TBL3: variants seen among roughly 807,000 people sequenced by gnomAD.
TBL3 encodes the protein transducin beta like 3.
A neutral mutation model predicts 102.7 loss-of-function variants in TBL3; 71 were observed. The observed-to-expected ratio is 0.69, with a 90% CI of 0.57 to 0.84. TBL3 has a LOEUF of 0.84. TBL3 is among the 40% of genes least tolerant of loss of function. TBL3 has a pLI of 0.00. For synonymous variants in TBL3, 578 were observed against 477.7 expected (o/e 1.21, Z -2.74); for missense variants, 1,188 against 1,098.5 (o/e 1.08, Z -1.15).
At position 1,980,181 on chromosome 16, in the gene TBL3, G is replaced by A; in HGVS notation, c.*1496G>A. ...CCTCTGGGGTGGGCAGGATCACCCG[G>A]CTGGGAAGGGCAGCCCGTACGAGTG... is the stretch of plus-strand genomic sequence containing the variant. On this transcript the variant is annotated 3_prime_UTR_variant, in exon 22 of 22. Transcript: ENST00000568546. The A allele has an allele frequency of 3.1e-6, 5 of 1,596,426 alleles. No individual in the cohort carries two copies. Among genetic ancestry groups the A allele is most frequent in the Non-Finnish European group, 4.3e-6 (5 of 1,174,596 alleles).
At position 1,978,406 on chromosome 16, in the gene TBL3, C is replaced by A. The variant is rs1233184706; in HGVS notation, c.2228C>A (p.Ala743Asp). 6.2e-7 allele frequency: 1 copy of A among 1,611,238 alleles called. No homozygotes were observed. The highest frequency in any genetic ancestry group is 8.5e-7 in the Non-Finnish European group (1 of 1,178,886). The change falls in exon 21 of 22, where the codon GCC (alanine) becomes GAC (aspartate). Residue 743 changes from alanine (A) to aspartate (D), a missense_variant. Coordinates refer to ENST00000568546, the MANE Select transcript of TBL3 (RefSeq NM_006453.3). ...AVLGVLLRRE[A>D]PEELLAYEGV... The stretch of plus-strand genomic sequence containing the variant: ...CTGGGTGTGCTCTTGAGGCGAGAGG[C>A]CCCCGAGGAGCTGCTGGCCTACGAA...
In TBL3 at chr16:1,978,609, T is replaced by A. The variant is rs1321862879; in HGVS notation, c.2351T>A (p.Leu784Gln). 1 of 1,612,732 alleles carries A rather than the reference T, an allele frequency of 6.2e-7. No individual in the cohort carries two copies. Among genetic ancestry groups the A allele is most frequent in the Non-Finnish European group, 8.5e-7 (1 of 1,179,882 alleles). Residue 784 changes from leucine (L) to glutamine (Q), a missense_variant, in exon 22 of 22, where the codon CTG (leucine) becomes CAG (glutamine). By Grantham distance (113) the Leu-to-Gln change is moderately radical. Coordinates refer to ENST00000568546, the MANE Select transcript of TBL3 (RefSeq NM_006453.3). ...TLQAAAFLDFLWHNMKLPVPA... is the reference protein window; with the variant it reads ...TLQAAAFLDFQWHNMKLPVPA... ...CAGGCCGCCGCTTTCTTGGACTTCCTGTGGCACAACATGAAGCTCCCTGTG... is the reference window on the plus strand; with the variant it reads ...CAGGCCGCCGCTTTCTTGGACTTCCAGTGGCACAACATGAAGCTCCCTGTG...
chr16:1,980,113 C>G lies in TBL3; in HGVS notation c.*1428C>G, dbSNP rs199699421. 6.2e-7 allele frequency: 1 copy of G among 1,608,540 alleles called. No homozygotes were observed. Among genetic ancestry groups the G allele is most frequent in the Admixed American group, 1.7e-5 (1 of 59,476 alleles). On this transcript the variant is annotated 3_prime_UTR_variant, in exon 22 of 22. Coordinates refer to ENST00000568546, the MANE Select transcript of TBL3 (RefSeq NM_006453.3). ...GCAGCGCAGGCTCTGAGCCTCCAGA[C>G]TGTGGATGGAGAGGCGGCCCGCAGC...
Position 1,978,075 on chromosome 16 carries a change from C to A in TBL3, c.2062+14C>A. ...CTGTCATCCAGGGTCAGTGCCCACC[C>A]CGGGGGGCGAGGGGCTGGGTCTTCG... On this transcript the variant is annotated intron_variant, in intron 19 of 21. Transcript: ENST00000568546. 6.2e-7 allele frequency: 1 copy of A among 1,604,510 alleles called. No individual in the cohort carries two copies. The highest frequency in any genetic ancestry group is 8.5e-7 in the Non-Finnish European group (1 of 1,174,762).
chr16:1,978,104 C>T, intron 19 of TBL3, 43 bp downstream of exon 19: 1 of 1,610,394 alleles, frequency 6.2e-7, no homozygotes, highest in Non-Finnish European at 8.5e-7. Context: ...GTCTTCGGAC[C>T]ACTGGGCTCT....
In TBL3 at chr16:1,981,093, A is replaced by G. The variant is rs760010235; in HGVS notation, c.*2408A>G. 2 of 1,611,346 alleles carry G rather than the reference A, an allele frequency of 1.2e-6. No individual in the cohort carries two copies. The highest frequency in any genetic ancestry group is 3.3e-5 in the Admixed American group (2 of 60,000). On this transcript the variant is annotated 3_prime_UTR_variant, in exon 22 of 22. Transcript: ENST00000568546. ...CCCCTTCCTATCCCTTGGGGCCACT[A>G]AGGACCCAGCCAGGTCTTACTTGGA...
chr16:1,978,993 C>T lies in TBL3; in HGVS notation c.*308C>T. 6.9e-7 allele frequency: 1 copy of T among 1,459,230 alleles called. No individual in the cohort carries two copies. Among genetic ancestry groups the T allele is most frequent in the Non-Finnish European group, 9.1e-7 (1 of 1,098,218 alleles). 90.4% of individuals were successfully genotyped at this position (1,459,230 alleles called of 1,614,324 possible). A position where few individuals can be genotyped will look rare whatever the true frequency, so the allele number is the denominator to read the frequency against. The stretch of plus-strand genomic sequence containing the variant: ...CCTGCTGGCCAGGGAGATCCGCCCT[C>T]CCCGCTCCTCCCCAGCCCTGGGATG... On this transcript the variant is annotated 3_prime_UTR_variant, in exon 22 of 22. Coordinates refer to ENST00000568546, the MANE Select transcript of TBL3 (RefSeq NM_006453.3).
rs1182895431 is a variant in TBL3, at chr16:1,980,908, C to T, written c.*2223C>T. The T allele has an allele frequency of 1.3e-6, 2 of 1,593,950 alleles. No individual in the cohort carries two copies. The highest frequency in any genetic ancestry group is 2.2e-5 in the East Asian group (1 of 44,626). On this transcript the variant is annotated 3_prime_UTR_variant, in exon 22 of 22. Transcript: ENST00000568546. ...GGCAGCCGCGTGGGGAAGCCGCCAC[C>T]GCGGCATCAGGGTGGCCCAGGGTCA...
Position 1,972,145 on chromosome 16 carries a change from G to A in TBL3, c.-20G>A. 4.8e-6 allele frequency: 7 copies of A among 1,470,664 alleles called. No individual in the cohort carries two copies. Among genetic ancestry groups the A allele is most frequent in the Non-Finnish European group, 6.3e-6 (7 of 1,109,044 alleles). The allele number at this position is 1,470,664 out of a possible 1,614,324, so 91.1% of individuals were successfully genotyped here. A position where few individuals can be genotyped will look rare whatever the true frequency, so the allele number is the denominator to read the frequency against. On this transcript the variant is annotated 5_prime_UTR_variant, in exon 1 of 22. Transcript: ENST00000568546. Reference sequence around the variant, plus strand: ...GCCGGGACCCTAGCAGGTTTCAGCTGGAGCGGCGGCGGCGGCAACATGGCA... The same window carrying A: ...GCCGGGACCCTAGCAGGTTTCAGCTAGAGCGGCGGCGGCGGCAACATGGCA...
chr16:1,974,850 G>GAGTT lies in TBL3; in HGVS notation c.464+4_464+7dup. On this transcript the variant is annotated splice_donor_region_variant and intron_variant, in intron 6 of 21. Coordinates refer to ENST00000568546, the MANE Select transcript of TBL3 (RefSeq NM_006453.3). ...CGAGGCTCGCCCGGTGTCGTGCAGTGAGTTGGAAGGTGGAGGGGGAGGGCA... is the reference window on the plus strand; with the variant it reads ...CGAGGCTCGCCCGGTGTCGTGCAGTGAGTTAGTTGGAAGGTGGAGGGGGAGGGCA... The GAGTT allele has an allele frequency of 6.2e-7, 1 of 1,613,224 alleles. No individual in the cohort carries two copies. Among genetic ancestry groups the GAGTT allele is most frequent in the Non-Finnish European group, 8.5e-7 (1 of 1,179,974 alleles).
Position 1,979,514 on chromosome 16 carries a change from G to A in TBL3, c.*829G>A, listed in dbSNP as rs200875428. 1 of 1,611,510 alleles carries A rather than the reference G, an allele frequency of 6.2e-7. No individual in the cohort carries two copies. Among genetic ancestry groups the A allele is most frequent in the East Asian group, 2.2e-5 (1 of 44,848 alleles). On this transcript the variant is annotated 3_prime_UTR_variant, in exon 22 of 22. Coordinates refer to ENST00000568546, the MANE Select transcript of TBL3 (RefSeq NM_006453.3). ...ACAGCTCATCTGCGCGGCTGCTCTC[G>A]TAGGCGCGGGAAGCACAGAACTGGG...
In TBL3 at chr16:1,974,236, A is replaced by C. The variant is rs1282754343; in HGVS notation, c.133A>C (p.Thr45Pro). The change falls in exon 3 of 22, where the codon ACC becomes CCC. Residue 45 changes from threonine to proline, a missense_variant. Transcript: ENST00000568546. Reference protein sequence around the residue: ...TGQHLFCVCGTRVNILEVASG... With the variant: ...TGQHLFCVCGPRVNILEVASG... ...CCAGCACCTCTTCTGCGTCTGTGGC[A>C]CCAGAGTCAACATTCTGGAAGTGGC... 6.2e-7 allele frequency: 1 copy of C among 1,603,476 alleles called. No individual in the cohort carries two copies. Among genetic ancestry groups the C allele is most frequent in the Non-Finnish European group, 8.5e-7 (1 of 1,174,134 alleles).
At chr16:1,974,473 G>C in intron 4 of TBL3, 50 bp downstream of exon 4, 1 of 1,589,454 alleles carries the variant, frequency 6.3e-7, no homozygotes, top group South Asian at 1.1e-5. Flanking sequence ...CTCCCTCCCA[G>C]ACTGAGTCCA....
Position 1,977,500 on chromosome 16 carries a change from C to G in TBL3, c.1743-14C>G, listed in dbSNP as rs377458388. On this transcript the variant is annotated splice_polypyrimidine_tract_variant and intron_variant, in intron 16 of 21. Coordinates refer to ENST00000568546, the MANE Select transcript of TBL3 (RefSeq NM_006453.3). ...ACCTGCCTGACGCTGAGCCTCTCCC[C>G]ACCCCAAACCCAGCGGTTCGGATGG... The G allele has an allele frequency of 4.8e-4, 766 of 1,609,286 alleles. 1 individual carries two copies. Among genetic ancestry groups the G allele is most frequent in the Non-Finnish European group, 5.9e-4 (695 of 1,178,342 alleles).
Position 1,981,770 on chromosome 16 carries a change from A to G in TBL3, c.*3085A>G, listed in dbSNP as rs1412014408. 1 of 155,602 alleles carries G rather than the reference A, an allele frequency of 6.4e-6. No individual in the cohort carries two copies. Among genetic ancestry groups the G allele is most frequent in the Non-Finnish European group, 1.4e-5 (1 of 70,106 alleles). 9.6% of individuals were successfully genotyped at this position (155,602 alleles called of 1,614,324 possible). On this transcript the variant is annotated 3_prime_UTR_variant, in exon 22 of 22. Transcript: ENST00000568546. Reference sequence around the variant, plus strand: ...ATGTCCCCAACTCATAGAGGAGGAAATGTGTGTTAAATGCGTAATTATTGT... The same window carrying G: ...ATGTCCCCAACTCATAGAGGAGGAAGTGTGTGTTAAATGCGTAATTATTGT...
intron 6 of TBL3, 40 bp downstream of exon 6, chr16:1,974,887 C>A: frequency 6.2e-7 from 1 of 1,612,760 alleles, no homozygotes; most frequent in South Asian, 1.1e-5. Flanking sequence ...AGGCACCACC[C>A]AGGCTGCACA....
Position 1,978,239 on chromosome 16 carries a change from T to C in TBL3, c.2134+19T>C. ...CAGAAAGGTTGGCGGCCAGTCAGGG[T>C]GGGTGGCCCGGTGGGCAAGGGCCAG... On this transcript the variant is annotated intron_variant, in intron 20 of 21. Transcript: ENST00000568546. 6.2e-7 allele frequency: 1 copy of C among 1,612,582 alleles called. No individual in the cohort carries two copies. Among genetic ancestry groups the C allele is most frequent in the Non-Finnish European group, 8.5e-7 (1 of 1,179,866 alleles).
At chr16:1,973,692 T>C (rs1235506414) in intron 1 of TBL3, among the ~76,000 whole-genome samples, 1 of 152,114 alleles carries the variant, frequency 6.6e-6, no homozygotes, top group Non-Finnish European at 1.5e-5. Context: ...GAGGATGTGC[T>C]CTGGGCTGGC....
intron 1 of TBL3, among the ~76,000 whole-genome samples, chr16:1,973,558 G>C (rs112060107): frequency 0.015 from 2,239 of 152,318 alleles, 33 homozygotes; most frequent in South Asian, 0.024. Flanking sequence ...AAGGAGAAGG[G>C]GCACGAGTGA....
Sources: gnomAD v4.1 joint callset for allele counts (sites outside exome capture counted in the v4.1 genomes callset) on GRCh38, gnomAD v4.1.1 for gene constraint, MANE v1.5 for transcripts, NCBI Gene and HGNC (gene_info 2026-07-23, HGNC 2026-07-21) for gene names.